Variants in CDK18 observed in about 807,000 individuals in gnomAD.
CDK18 encodes cyclin dependent kinase 18.
A neutral mutation model predicts 62.0 loss-of-function variants in CDK18; 52 were observed. That is an observed-to-expected ratio of 0.84 (90% CI 0.67 to 1.06). The LOEUF (loss-of-function observed/expected upper bound fraction) is 1.06, where lower values mean the gene tolerates loss of function less well. CDK18 is among the 50% of genes least tolerant of loss of function. The pLI, the probability that CDK18 is intolerant of heterozygous loss-of-function variation, is 0.00. For synonymous variants in CDK18, 237 were observed against 247.0 expected, an observed-to-expected ratio of 0.96 and a Z score of 0.38; for missense variants, 604 against 619.9, an observed-to-expected ratio of 0.97 and a Z score of 0.27.
chr1:205,507,659 AAAAAT>A (rs1450157864), intron 1 of CDK18, among the ~76,000 whole-genome samples: 4 of 145,572 alleles, frequency 2.7e-5, no homozygotes, highest in Middle Eastern at 3.5e-3. Flanking sequence ...AAAAAAAAAA[AAAAAT>A]AATGCACAGT....
At chr1:205,505,525 G>C (rs1257484089) in intron 1 of CDK18, among the ~76,000 whole-genome samples, 2 of 152,198 alleles carry the variant, frequency 1.3e-5, no homozygotes, top group Non-Finnish European at 2.9e-5. Flanking sequence ...AAGGAGGCTG[G>C]GTGGGGCCGG....
At chr1:205,530,105 G>A in intron 13 of CDK18, 154 bp from the exon 14 acceptor site, 1 of 1,451,536 alleles carries the variant, frequency 6.9e-7, no homozygotes, top group South Asian at 1.4e-5. Flanking sequence ...GCCTGAGGTT[G>A]GGTTTGTGGT....
At chr1:205,506,002 C>T (rs1296611652) in intron 1 of CDK18, among the ~76,000 whole-genome samples, 3 of 152,208 alleles carry the variant, frequency 2.0e-5, no homozygotes, top group Admixed American at 2.0e-4. Flanking sequence ...CAGTGAGCTT[C>T]GGCATGTTCG....
In CDK18 at chr1:205,530,608, T is replaced by C. The variant is rs771028986; in HGVS notation, c.1313-20T>C. On this transcript the variant is annotated intron_variant, in intron 14 of 15. Transcript: ENST00000429964. ...CAGCTCCACGCAGCCCTCTCCAGAC[T>C]ATGCACTTCTCTCCCCCAGCTGCCT... The C allele has an allele frequency of 2.5e-6, 4 of 1,611,472 alleles. No homozygotes were observed. The highest frequency in any genetic ancestry group is 3.4e-6 in the Non-Finnish European group (4 of 1,177,806).
In CDK18 at chr1:205,531,713, T is replaced by C; in HGVS notation, c.*335T>C. 3.0e-6 allele frequency: 1 copy of C among 338,854 alleles called. No homozygotes were observed. The highest frequency in any genetic ancestry group is 2.9e-5 in the South Asian group (1 of 34,238). The allele number at this position is 338,854 out of a possible 1,614,324, so 21.0% of individuals were successfully genotyped here. A position where few individuals can be genotyped will look rare whatever the true frequency, so the allele number is the denominator to read the frequency against. On this transcript the variant is annotated 3_prime_UTR_variant, in exon 16 of 16. Coordinates refer to ENST00000429964, the MANE Select transcript of CDK18 (RefSeq NM_212502.3). ...CGTGGGATGCACACGGATGACAGAATCAAGGCGCCAGGATGGGCACTCTGC... is the reference window on the plus strand; with the variant it reads ...CGTGGGATGCACACGGATGACAGAACCAAGGCGCCAGGATGGGCACTCTGC...
rs1249562430 is a variant in CDK18, at chr1:205,524,219, C to T, written c.274-13C>T. The T allele has an allele frequency of 1.2e-6, 2 of 1,614,136 alleles. No homozygotes were observed. The highest frequency in any genetic ancestry group is 1.6e-4 in the Middle Eastern group (1 of 6,062). On this transcript the variant is annotated splice_polypyrimidine_tract_variant and intron_variant, in intron 3 of 15. Transcript: ENST00000429964. Reference sequence around the variant, plus strand: ...CCAACAGTGGTGTCCCCATCTCATCCCTGTCACCACAGGACGTCAGCAAGA... The same window carrying T: ...CCAACAGTGGTGTCCCCATCTCATCTCTGTCACCACAGGACGTCAGCAAGA...
rs1300361883 is a variant in CDK18 at position 205,528,673 on chromosome 1, A to T, written c.975-326A>T. On this transcript the variant is annotated intron_variant, in intron 10 of 15. Coordinates refer to ENST00000429964, the MANE Select transcript of CDK18 (RefSeq NM_212502.3). This position sits in a 1 kb window ranked among gnomAD's most constrained non-coding sequence, Gnocchi z 4.2. ...GTACTTCTCTTCCAGTGGGGCACACAGTGGAGAGAGTTTGAGACAACACTG... is the reference window on the plus strand; with the variant it reads ...GTACTTCTCTTCCAGTGGGGCACACTGTGGAGAGAGTTTGAGACAACACTG... The T allele has an allele frequency of 6.1e-6, 2 of 327,010 alleles. No homozygotes were observed. The highest frequency in any genetic ancestry group is 5.6e-6 in the Non-Finnish European group (1 of 179,426). The allele number at this position is 327,010 out of a possible 1,614,324, so 20.3% of individuals were successfully genotyped here.
chr1:205,531,201 C>T, intron 15 of CDK18, 143 bp from the exon 16 acceptor site: 1 of 686,858 alleles, frequency 1.5e-6, no homozygotes, highest in Non-Finnish European at 2.6e-6. Context: ...TGGGATTTGA[C>T]ACCAGGTCAG....
rs114769423 is a variant in CDK18 at position 205,530,276 on chromosome 1, C to G, written c.1239C>G (p.Arg413=). The G allele has an allele frequency of 6.5e-4, 1,044 of 1,613,058 alleles. 12 individuals are homozygous for G. In the South Asian group the frequency reaches 0.011, roughly 16 times the overall value. Residue 413 remains arginine (R), a synonymous_variant, in exon 14 of 16, where the codon CGC becomes CGG. Transcript: ENST00000429964. ...CCTTTCAGTATGAATCCAAGAGTCG[C>G]ATGTCAGCAGAGGCTGCCCTGAGTC... ...SSLLLYESKS[R]MSAEAALSHS...
chr1:205,512,578 A>AG (rs1667614946), intron 1 of CDK18, among the ~76,000 whole-genome samples: 1 of 152,074 alleles, frequency 6.6e-6, no homozygotes, highest in Non-Finnish European at 1.5e-5. Context: ...GCCTGGTGGG[A>AG]GGGAGGCCAT....
chr1:205,530,448 G>A lies in CDK18; in HGVS notation c.1312+99G>A, dbSNP rs1668681006. ...CAGAACAAAGAGGCCAGAGGCCCCAGCCCCAGCAGAGCAGCCCCGGGCACC... is the reference window on the plus strand; with the variant it reads ...CAGAACAAAGAGGCCAGAGGCCCCAACCCCAGCAGAGCAGCCCCGGGCACC... On this transcript the variant is annotated intron_variant, in intron 14 of 15. Transcript: ENST00000429964. The A allele has an allele frequency of 4.4e-6, 6 of 1,369,346 alleles. No homozygotes were observed. In the African/African-American group the frequency reaches 5.7e-5, roughly 13 times the overall value. 84.8% of individuals were successfully genotyped at this position (1,369,346 alleles called of 1,614,324 possible).
chr1:205,525,749 C>T (rs1343913415), intron 5 of CDK18, among the ~76,000 whole-genome samples: 1 of 152,176 alleles, frequency 6.6e-6, no homozygotes, highest in Non-Finnish European at 1.5e-5. Context: ...AACACACAGC[C>T]CTTTCCCTCC....
At position 205,531,399 on chromosome 1, in the gene CDK18, G is replaced by T. The variant is rs372253962; in HGVS notation, c.*21G>T. On this transcript the variant is annotated 3_prime_UTR_variant, in exon 16 of 16. Coordinates refer to ENST00000429964, the MANE Select transcript of CDK18 (RefSeq NM_212502.3). ...TCTGAGCCACGCCCACCTTGCTGTG[G>T]CCAAGGGACAAGAGATCACATGGAG... is the stretch of plus-strand genomic sequence containing the variant. The T allele has an allele frequency of 1.2e-6, 2 of 1,612,080 alleles. No individual in the cohort carries two copies. Among genetic ancestry groups the T allele is most frequent in the Non-Finnish European group, 1.7e-6 (2 of 1,178,228 alleles).
At position 205,531,387 on chromosome 1, in the gene CDK18, C is replaced by A; in HGVS notation, c.*9C>A. 6.2e-7 allele frequency: 1 copy of A among 1,613,468 alleles called. No individual in the cohort carries two copies. The highest frequency in any genetic ancestry group is 8.5e-7 in the Non-Finnish European group (1 of 1,179,340). Reference sequence around the variant, plus strand: ...GGCAGAGCATCTTCTGAGCCACGCCCACCTTGCTGTGGCCAAGGGACAAGA... The same window carrying A: ...GGCAGAGCATCTTCTGAGCCACGCCAACCTTGCTGTGGCCAAGGGACAAGA... On this transcript the variant is annotated 3_prime_UTR_variant, in exon 16 of 16. Transcript: ENST00000429964.
chr1:205,524,640 C>T (rs1668328325), intron 4 of CDK18, among the ~76,000 whole-genome samples: 1 of 152,250 alleles, frequency 6.6e-6, no homozygotes, highest in Non-Finnish European at 1.5e-5. Context: ...GCCTTCCAGT[C>T]CTAACTGCCT....
rs1247964934 is a variant in CDK18, at chr1:205,523,265, A to G, written c.98A>G (p.Gln33Arg). The G allele has an allele frequency of 6.2e-7, 1 of 1,614,102 alleles. No individual in the cohort carries two copies. The highest frequency in any genetic ancestry group is 1.1e-5 in the South Asian group (1 of 91,080). The change falls in exon 2 of 16, where the codon CAA becomes CGA. Residue 33 changes from glutamine (Q) to arginine (R), a missense_variant. Coordinates refer to ENST00000429964, the MANE Select transcript of CDK18 (RefSeq NM_212502.3). ...GAATCCTTGGCTGAATTCACGGAGC[A>G]ATTCAACCAGCTCCACAACCGGCGG... ...IEESLAEFTE[Q>R]FNQLHNRRNE...
chr1:205,520,699 CAAA>C (rs11333790), intron 1 of CDK18, among the ~76,000 whole-genome samples: 10 of 135,676 alleles, frequency 7.4e-5, no homozygotes, highest in African/African-American at 5.5e-5. Context: ...GACTCTATCT[CAAA>C]AAAAAAAAAA....
intron 13 of CDK18, chr1:205,529,811 C>T: frequency 7.2e-7 from 1 of 1,386,842 alleles, no homozygotes; most frequent in South Asian, 1.3e-5. Context: ...CTCCTCCATG[C>T]CTCAGTTTCC....
Position 205,529,578 on chromosome 1 carries a change from G to A in CDK18, c.1221+15G>A, listed in dbSNP as rs561017712. 1 of 1,613,660 alleles carries A rather than the reference G, an allele frequency of 6.2e-7. No individual in the cohort carries two copies. The highest frequency in any genetic ancestry group is 8.5e-7 in the Non-Finnish European group (1 of 1,179,992). ...GCCTGCTCCTGGTGAGTGTCCTCCC[G>A]GCGGGGCCCAGGGAGAGGCAGCCAA... On this transcript the variant is annotated intron_variant, in intron 13 of 15. Coordinates refer to ENST00000429964, the MANE Select transcript of CDK18 (RefSeq NM_212502.3).
Sources: gnomAD v4.1 joint callset for allele counts (sites outside exome capture counted in the v4.1 genomes callset) on GRCh38, gnomAD v4.1.1 for gene constraint, Gnocchi (gnomAD v3.1) non-coding constraint, MANE v1.5 for transcripts, NCBI Gene and HGNC (gene_info 2026-07-23, HGNC 2026-07-21) for gene names.